NRG1: variants seen among roughly 807,000 people sequenced by gnomAD.
The protein encoded by NRG1 is neuregulin 1.
NRG1 carries 18 observed loss-of-function variants against 63.8 expected under a neutral mutation model. That is an observed-to-expected ratio of 0.28 (90% CI 0.19 to 0.42). The LOEUF is 0.42. NRG1 is among the 10% of genes least tolerant of loss of function. The probability of loss-of-function intolerance (pLI) is 1.00; values close to 1 mark genes in which losing one functional copy is unlikely to be tolerated. For synonymous variants in NRG1, 302 were observed against 301.3 expected, an observed-to-expected ratio of 1.00 and a Z score of -0.02; for missense variants, 762 against 814.7, an observed-to-expected ratio of 0.94 and a Z score of 0.79.
At chr8:31,852,750 A>G (rs1827384223) in intron 1 of NRG1, among the ~76,000 whole-genome samples, 1 of 152,184 alleles carries the variant, frequency 6.6e-6, no homozygotes, top group Non-Finnish European at 1.5e-5. Flanking sequence ...TAGGTCTAAC[A>G]TTTAAGTCTT....
intron 1 of NRG1, among the ~76,000 whole-genome samples, chr8:32,461,598 G>T (rs982990868): frequency 6.6e-6 from 1 of 151,948 alleles, no homozygotes; most frequent in African/African-American, 2.4e-5. Context: ...TTTGGGAGGT[G>T]GGAGAATTGC....
intron 1 of NRG1, among the ~76,000 whole-genome samples, chr8:32,590,183 G>A (rs1020683250): frequency 2.6e-5 from 4 of 152,194 alleles, no homozygotes; most frequent in Admixed American, 1.3e-4. Context: ...GCATTTGCAT[G>A]TCTGTTTTAA....
intron 1 of NRG1, among the ~76,000 whole-genome samples, chr8:31,895,271 G>T (rs1831489233): frequency 6.6e-6 from 1 of 152,200 alleles, no homozygotes; most frequent in Non-Finnish European, 1.5e-5. Context: ...GGTCCCCAAA[G>T]AAGTCAGGGG....
intron 1 of NRG1, among the ~76,000 whole-genome samples, chr8:32,104,166 G>A (rs1204093979): frequency 6.6e-6 from 1 of 152,112 alleles, no homozygotes; most frequent in African/African-American, 2.4e-5. Context: ...TACATACTAG[G>A]CTTATGTGGT....
chr8:32,738,624 C>T (rs183222800), intron 6 of NRG1, among the ~76,000 whole-genome samples: 81 of 152,262 alleles, frequency 5.3e-4, no homozygotes, highest in African/African-American at 1.9e-3. Flanking sequence ...GTTTAACATA[C>T]AATGTTGATA....
chr8:32,644,256 CT>C (rs1853007239), intron 5 of NRG1, among the ~76,000 whole-genome samples: 1 of 152,114 alleles, frequency 6.6e-6, no homozygotes, highest in Non-Finnish European at 1.5e-5. Flanking sequence ...GTTTATTTTT[CT>C]AAGAGGACAT....
Position 32,026,523 on chromosome 8 carries a change from A to C in NRG1, c.37+387092A>C, listed in dbSNP as rs903215359. ...TCTCCCTTCACATTTTCTTTCCTTGAATTTGTGGAGAATTTTCCATTTTAT... is the reference window on the plus strand; with the variant it reads ...TCTCCCTTCACATTTTCTTTCCTTGCATTTGTGGAGAATTTTCCATTTTAT... On this transcript the variant is annotated intron_variant, in intron 1 of 10. Coordinates refer to the NRG1 transcript ENST00000519301. Among the ~76,000 whole-genome samples the C allele has an allele frequency of 4.6e-5, 7 of 152,152 alleles. No individual in the cohort carries two copies. In the East Asian group the frequency reaches 1.2e-3, roughly 25 times the overall value.
At chr8:31,829,599 G>T (rs976929745) in intron 1 of NRG1, among the ~76,000 whole-genome samples, 2 of 152,168 alleles carry the variant, frequency 1.3e-5, no homozygotes, top group Non-Finnish European at 2.9e-5. Flanking sequence ...TTATTAAAAA[G>T]CTGGGGACGA....
intron 1 of NRG1, among the ~76,000 whole-genome samples, chr8:32,037,090 A>C (rs1447275289): frequency 6.6e-6 from 1 of 152,142 alleles, no homozygotes; most frequent in Non-Finnish European, 1.5e-5. Flanking sequence ...TTGATCTTTG[A>C]GGCTGCTGAC....
chr8:32,264,668 T>A (rs1350370894), intron 1 of NRG1, among the ~76,000 whole-genome samples: 1 of 152,192 alleles, frequency 6.6e-6, no homozygotes, highest in Non-Finnish European at 1.5e-5. Flanking sequence ...GTCACTGAAC[T>A]TATATTTTAG....
At chr8:32,109,691 C>A (rs1189049149) in intron 1 of NRG1, among the ~76,000 whole-genome samples, 3 of 152,210 alleles carry the variant, frequency 2.0e-5, no homozygotes, top group South Asian at 4.2e-4. Context: ...TTCTCATCAA[C>A]ACCAAGAAGC....
chr8:32,308,749 C>T (rs1856499870), intron 1 of NRG1, among the ~76,000 whole-genome samples: 2 of 152,310 alleles, frequency 1.3e-5, no homozygotes, highest in Middle Eastern at 6.8e-3. Flanking sequence ...CTCTTATAGA[C>T]ATGGCAGTAA....
intron 1 of NRG1, among the ~76,000 whole-genome samples, chr8:32,394,028 C>T (rs1394529671): frequency 6.6e-6 from 1 of 152,180 alleles, no homozygotes; most frequent in Non-Finnish European, 1.5e-5. Context: ...TCGTGCATCT[C>T]TTATTCCTTC....
intron 1 of NRG1, among the ~76,000 whole-genome samples, chr8:32,308,126 A>T (rs1856428418): frequency 6.6e-6 from 1 of 152,120 alleles, no homozygotes; most frequent in African/African-American, 2.4e-5. Context: ...CTTGGGTTTG[A>T]CTTTTTCCAG....
intron 1 of NRG1, among the ~76,000 whole-genome samples, chr8:31,949,042 C>CA (rs911616668): frequency 2.0e-5 from 3 of 151,996 alleles, no homozygotes; most frequent in African/African-American, 7.2e-5. Flanking sequence ...AAGGATGACA[C>CA]AAAAAAACTA....
intron 5 of NRG1, among the ~76,000 whole-genome samples, chr8:32,699,084 C>A (rs1439512445): frequency 6.6e-6 from 1 of 152,156 alleles, no homozygotes; most frequent in Non-Finnish European, 1.5e-5. Context: ...GCCACATATA[C>A]TTAGGTGTCT....
Position 32,711,084 on chromosome 8 carries a change from T to C in NRG1, c.503-16865T>C, listed in dbSNP as rs535991161. 4.6e-5 allele frequency among the ~76,000 whole-genome samples: 7 copies of C among 152,266 alleles called. No individual in the cohort carries two copies. In the South Asian group the frequency reaches 1.0e-3, roughly 23 times the overall value. On this transcript the variant is annotated intron_variant, in intron 5 of 11. Coordinates refer to ENST00000356819, the Ensembl canonical transcript of NRG1. ...TTGTTTTTAGCTACAAGGTGACATA[T>C]ATAGTTCTGGAATGAAAGAGGCGTC...
At chr8:31,881,955 G>A (rs940617860) in intron 1 of NRG1, among the ~76,000 whole-genome samples, 7 of 152,320 alleles carry the variant, frequency 4.6e-5, no homozygotes, top group Admixed American at 6.5e-5. Flanking sequence ...AGAAGCTGCA[G>A]CAAGTTATCC....
chr8:31,729,688 A>G (rs1368571306), intron 1 of NRG1, among the ~76,000 whole-genome samples: 1 of 152,184 alleles, frequency 6.6e-6, no homozygotes, highest in Non-Finnish European at 1.5e-5. Context: ...ACAGTTTATC[A>G]GAATACATAC....
Sources: gnomAD v4.1 joint callset for allele counts (sites outside exome capture counted in the v4.1 genomes callset) on GRCh38, gnomAD v4.1.1 for gene constraint, MANE v1.5 for transcripts, NCBI Gene and HGNC (gene_info 2026-07-23, HGNC 2026-07-21) for gene names.